The following LAPTM4B variants were observed in gnomAD, a reference collection of about 807,000 sequenced individuals.
LAPTM4B encodes lysosomal-associated transmembrane protein 4B.
Under a neutral mutation model 28.5 loss-of-function variants are expected in LAPTM4B, and 26 were observed. The observed-to-expected ratio is 0.91, with a 90% confidence interval of 0.67 to 1.27. LAPTM4B has a LOEUF of 1.27. Ranked by LOEUF, LAPTM4B falls within the 50% of genes most tolerant of loss-of-function variation. LAPTM4B has a pLI of 0.00. For synonymous variants in LAPTM4B, 109 were observed against 106.4 expected, an observed-to-expected ratio of 1.02 and a Z score of -0.15; for missense variants, 288 against 285.8, an observed-to-expected ratio of 1.01 and a Z score of -0.06.
chr8:97,790,990 G>A (rs892358363), intron 1 of LAPTM4B, among the ~76,000 whole-genome samples: 3 of 151,910 alleles, frequency 2.0e-5, no homozygotes, highest in Admixed American at 6.6e-5. Flanking sequence ...TTGCAACCTC[G>A]GACCTTTCAG....
chr8:97,824,645 A>G (rs1260207142), intron 5 of LAPTM4B, among the ~76,000 whole-genome samples: 1 of 152,254 alleles, frequency 6.6e-6, no homozygotes, highest in Non-Finnish European at 1.5e-5. Flanking sequence ...ATAATCATAT[A>G]GAAGAAAAAT....
intron 1 of LAPTM4B, among the ~76,000 whole-genome samples, chr8:97,778,889 G>A (rs1563597968): frequency 6.6e-6 from 1 of 151,870 alleles, no homozygotes; most frequent in Non-Finnish European, 1.5e-5. Context: ...TAAGTTGCTC[G>A]GTTACAACAA....
intron 1 of LAPTM4B, among the ~76,000 whole-genome samples, chr8:97,788,045 C>T (rs935722992): frequency 9.2e-5 from 14 of 151,970 alleles, no homozygotes; most frequent in South Asian, 4.2e-4. Flanking sequence ...TATTTATGAC[C>T]GAACCCAGCC....
At chr8:97,790,644 C>G (rs149059606) in intron 1 of LAPTM4B, among the ~76,000 whole-genome samples, 7 of 152,140 alleles carry the variant, frequency 4.6e-5, no homozygotes, top group African/African-American at 1.7e-4. Context: ...TGGGGTTTCA[C>G]CACATTGGCC....
chr8:97,794,863 G>A (rs1816557764), intron 1 of LAPTM4B, among the ~76,000 whole-genome samples: 1 of 151,950 alleles, frequency 6.6e-6, no homozygotes, highest in African/African-American at 2.4e-5. Context: ...ACAGGCACCC[G>A]CCACCATGCC....
chr8:97,839,785 T>C (rs1391108962), intron 6 of LAPTM4B, among the ~76,000 whole-genome samples: 1 of 152,230 alleles, frequency 6.6e-6, no homozygotes, highest in African/African-American at 2.4e-5. Context: ...ATAACGTGCC[T>C]CAGAGTCCAT....
At chr8:97,785,780 T>C (rs1185034339) in intron 1 of LAPTM4B, among the ~76,000 whole-genome samples, 3 of 152,172 alleles carry the variant, frequency 2.0e-5, no homozygotes, top group Non-Finnish European at 2.9e-5. Flanking sequence ...CTTGTGGCAA[T>C]AGCAATCAGT....
chr8:97,780,681 AG>A (rs1816294684), intron 1 of LAPTM4B, among the ~76,000 whole-genome samples: 1 of 152,150 alleles, frequency 6.6e-6, no homozygotes, highest in South Asian at 2.1e-4. Context: ...TGAGGCTTAG[AG>A]AACTTTGGTG....
chr8:97,815,903 C>A (rs1184794373), intron 3 of LAPTM4B, among the ~76,000 whole-genome samples, 155 bp from the exon 4 acceptor site: 4 of 152,204 alleles, frequency 2.6e-5, no homozygotes, highest in African/African-American at 9.6e-5. Context: ...TATTTGTTGA[C>A]TGCTTATATT....
At chr8:97,777,585 AC>A (rs1352094222) in intron 1 of LAPTM4B, among the ~76,000 whole-genome samples, 1 of 152,080 alleles carries the variant, frequency 6.6e-6, no homozygotes, top group Non-Finnish European at 1.5e-5. Context: ...AAAACATTTC[AC>A]CCCAGGCATA....
intron 1 of LAPTM4B, among the ~76,000 whole-genome samples, chr8:97,782,653 G>T (rs562247457): frequency 6.6e-5 from 10 of 151,620 alleles, no homozygotes; most frequent in South Asian, 6.3e-4. Context: ...GGTCAGGCTT[G>T]TCTCGAACTC....
intron 6 of LAPTM4B, among the ~76,000 whole-genome samples, chr8:97,849,281 C>T (rs1434747439): frequency 1.3e-5 from 2 of 152,156 alleles, no homozygotes; most frequent in East Asian, 1.9e-4. Context: ...ACACATTGCT[C>T]ATGTTGAGTT....
At chr8:97,792,279 A>G (rs1183054669) in intron 1 of LAPTM4B, among the ~76,000 whole-genome samples, 1 of 151,950 alleles carries the variant, frequency 6.6e-6, no homozygotes, top group East Asian at 1.9e-4. Context: ...TTTTTGATAC[A>G]AGATCACAGT....
intron 1 of LAPTM4B, among the ~76,000 whole-genome samples, chr8:97,780,049 TCAA>T (rs1816284843): frequency 2.4e-5 from 1 of 41,898 alleles, no homozygotes; most frequent in African/African-American, 1.1e-4. Flanking sequence ...AGACTCTGTC[TCAA>T]AAAAAAAAAA....
chr8:97,812,265 G>A (rs1816845457), intron 2 of LAPTM4B, among the ~76,000 whole-genome samples: 1 of 139,252 alleles, frequency 7.2e-6, no homozygotes, highest in East Asian at 2.2e-4. Flanking sequence ...TGTCACCCAG[G>A]CTGGAGTACA....
At chr8:97,776,371 G>C (rs901630445) in intron 1 of LAPTM4B, among the ~76,000 whole-genome samples, 5 of 152,222 alleles carry the variant, frequency 3.3e-5, no homozygotes, top group African/African-American at 1.2e-4. Flanking sequence ...CAGGTGGTGT[G>C]GGTCGCCGAT....
chr8:97,781,601 A>T (rs1159264089), intron 1 of LAPTM4B, among the ~76,000 whole-genome samples: 1 of 152,058 alleles, frequency 6.6e-6, no homozygotes, highest in African/African-American at 2.4e-5. Context: ...AATGTAGTTT[A>T]TTGAGTTGAC....
intron 2 of LAPTM4B, 21 bp from the exon 3 acceptor site, chr8:97,815,307 T>C: frequency 6.2e-7 from 1 of 1,607,418 alleles, no homozygotes; most frequent in Non-Finnish European, 8.5e-7. Context: ...TTTAAAGAAA[T>C]TCTTTTTAAT....
intron 2 of LAPTM4B, among the ~76,000 whole-genome samples, chr8:97,811,214 C>G (rs1031710826): frequency 1.3e-5 from 2 of 152,138 alleles, no homozygotes; most frequent in African/African-American, 4.8e-5. Context: ...ATACATCTAC[C>G]CTATGGCCCT....
Sources: allele counts gnomAD v4.1 joint callset (sites outside exome capture counted in the v4.1 genomes callset), GRCh38; gene constraint gnomAD v4.1.1; transcripts MANE v1.5; gene names NCBI Gene and HGNC (gene_info 2026-07-23, HGNC 2026-07-21).